AGTPBP1: variants seen among roughly 807,000 people sequenced by gnomAD.
AGTPBP1 encodes cytosolic carboxypeptidase 1.
A neutral mutation model predicts 143.9 loss-of-function variants in AGTPBP1; 70 were observed. The ratio of observed to expected loss-of-function variants is 0.49; its 90% CI spans 0.40 to 0.59. AGTPBP1 has a LOEUF of 0.59. AGTPBP1 is among the 20% of genes least tolerant of loss of function. The probability of loss-of-function intolerance (pLI) is 0.00; values close to 1 mark genes in which losing one functional copy is unlikely to be tolerated. For synonymous variants in AGTPBP1, 463 were observed against 500.2 expected (o/e 0.93, Z 0.99); for missense variants, 1,229 against 1,464.5 (o/e 0.84, Z 2.62).
intron 1 of AGTPBP1, among the ~76,000 whole-genome samples, chr9:85,741,076 G>T (rs960595530): frequency 6.6e-6 from 1 of 152,164 alleles, no homozygotes; most frequent in African/African-American, 2.4e-5. Flanking sequence ...AACAGTCCTT[G>T]AACACTTGCA....
chr9:85,723,581 C>G (rs77119254), intron 1 of AGTPBP1, among the ~76,000 whole-genome samples: 2,644 of 152,290 alleles, frequency 0.017, 67 homozygotes, highest in African/African-American at 0.059. Context: ...ATGTACCGTT[C>G]CTCCAAGTAC....
chr9:85,653,895 C>T (rs938450190), intron 11 of AGTPBP1, among the ~76,000 whole-genome samples: 4 of 152,172 alleles, frequency 2.6e-5, no homozygotes, highest in Admixed American at 2.6e-4. Context: ...GGTATTGGAC[C>T]ACTGCTTTTA....
chr9:85,566,624 A>C (rs1827120017), intron 25 of AGTPBP1, among the ~76,000 whole-genome samples: 1 of 152,100 alleles, frequency 6.6e-6, no homozygotes, highest in African/African-American at 2.4e-5. Context: ...ATTAGGTAAA[A>C]TACAAAATAG....
At chr9:85,725,382 A>G (rs1422095476) in intron 1 of AGTPBP1, among the ~76,000 whole-genome samples, 1 of 152,196 alleles carries the variant, frequency 6.6e-6, no homozygotes, top group Non-Finnish European at 1.5e-5. Context: ...CTCATTAACA[A>G]TTGTGTTAGA....
chr9:85,558,283 G>A (rs1446345252), intron 25 of AGTPBP1, among the ~76,000 whole-genome samples: 2 of 152,156 alleles, frequency 1.3e-5, no homozygotes, highest in Admixed American at 1.3e-4. Context: ...TCCAGAATAG[G>A]TGAATCCATA....
chr9:85,789,411 A>C, the AGTPBP1 span, among the ~76,000 whole-genome samples: 1 of 152,168 alleles, frequency 6.6e-6, no homozygotes, highest in Non-Finnish European at 1.5e-5. Context: ...TTGCATGTAT[A>C]TAAAATGTTT....
chr9:85,635,993 C>T (rs1338962491), intron 13 of AGTPBP1, among the ~76,000 whole-genome samples: 1 of 152,062 alleles, frequency 6.6e-6, no homozygotes, highest in Non-Finnish European at 1.5e-5. Context: ...GGTCCAAAAG[C>T]CCTTGAGGAT....
intron 1 of AGTPBP1, among the ~76,000 whole-genome samples, chr9:85,714,820 C>A (rs1837598269): frequency 6.6e-6 from 1 of 151,770 alleles, no homozygotes; most frequent in Admixed American, 6.6e-5. Flanking sequence ...GGCAAAAATT[C>A]AATATATGGT....
intron 11 of AGTPBP1, among the ~76,000 whole-genome samples, chr9:85,647,457 C>T (rs1425182255): frequency 6.6e-6 from 1 of 151,784 alleles, no homozygotes; most frequent in Non-Finnish European, 1.5e-5. Flanking sequence ...CAAAGATAAA[C>T]ACTAATGAAG....
At chr9:85,574,267 A>G (rs1827746696) in intron 25 of AGTPBP1, among the ~76,000 whole-genome samples, 3 of 152,196 alleles carry the variant, frequency 2.0e-5, no homozygotes, top group Admixed American at 1.3e-4. Flanking sequence ...AGATGCTTGA[A>G]GGCAGCATGC....
At chr9:85,667,836 T>C (rs1327973242) in intron 8 of AGTPBP1, among the ~76,000 whole-genome samples, 1 of 150,066 alleles carries the variant, frequency 6.7e-6, no homozygotes, top group Non-Finnish European at 1.5e-5. Flanking sequence ...TTTCAAAAGA[T>C]TATGAGACAT....
At chr9:85,736,486 T>C (rs1046935976) in intron 1 of AGTPBP1, among the ~76,000 whole-genome samples, 2 of 152,198 alleles carry the variant, frequency 1.3e-5, no homozygotes, top group African/African-American at 2.4e-5. Context: ...AGTCATCCTA[T>C]AGTGCTAGAG....
upstream of AGTPBP1, among the ~76,000 whole-genome samples, chr9:85,746,627 T>C (rs753805187): frequency 5.9e-5 from 9 of 151,796 alleles, no homozygotes; most frequent in Admixed American, 1.3e-4. Flanking sequence ...AGATTCTGCC[T>C]CTAACAAAAA....
chr9:85,612,004 T>A (rs928402946), intron 17 of AGTPBP1, among the ~76,000 whole-genome samples: 21 of 152,016 alleles, frequency 1.4e-4, no homozygotes, highest in Admixed American at 6.6e-4. Flanking sequence ...AAGAAATCTC[T>A]CTCTATATAT....
At chr9:85,741,426 C>T in intron 1 of AGTPBP1, 1 of 985,220 alleles carries the variant, frequency 1.0e-6, no homozygotes, top group African/African-American at 1.7e-5. Flanking sequence ...GCGCCGCGAG[C>T]TCGGGCCCGA....
chr9:85,605,327 G>A (rs1829926471), intron 17 of AGTPBP1, among the ~76,000 whole-genome samples: 1 of 152,084 alleles, frequency 6.6e-6, no homozygotes, highest in South Asian at 2.1e-4. Context: ...AGGAGAAAGT[G>A]GCATGCCATA....
intron 24 of AGTPBP1, among the ~76,000 whole-genome samples, chr9:85,576,750 T>G (rs1009706798): frequency 6.6e-6 from 1 of 152,178 alleles, no homozygotes; most frequent in African/African-American, 2.4e-5. Flanking sequence ...CTCTGTGTGC[T>G]TTCCACTCAA....
chr9:85,744,810 A>G (rs1824563154), upstream of AGTPBP1, among the ~76,000 whole-genome samples: 2 of 152,044 alleles, frequency 1.3e-5, no homozygotes, highest in Non-Finnish European at 2.9e-5. Flanking sequence ...TTCTCTGGGG[A>G]CCCTTTGCTT....
rs1163220384 is a variant in AGTPBP1, at chr9:85,653,271, A to G, written c.1087+1872T>C. Among the ~76,000 whole-genome samples, 4 of 151,826 alleles carry G rather than the reference A, an allele frequency of 2.6e-5. No individual in the cohort carries two copies. The East Asian group carries it at 7.8e-4, about 29-fold the overall frequency. On this transcript the variant is annotated intron_variant, in intron 11 of 25. Transcript: ENST00000357081. ...GGAAGGAATAATGGAAAACAGAATG[A>G]GAGTATTTTCCTAGTATCTATACAC...
Sources: gnomAD v4.1 joint callset for allele counts (sites outside exome capture counted in the v4.1 genomes callset) on GRCh38, gnomAD v4.1.1 for gene constraint, MANE v1.5 for transcripts, NCBI Gene and HGNC (gene_info 2026-07-23, HGNC 2026-07-21) for gene names.